NALF1: variants seen among roughly 807,000 people sequenced by gnomAD.
The protein encoded by NALF1 is family with sequence similarity 155 member A.
Under a neutral mutation model 48.4 loss-of-function variants are expected in NALF1, and 3 were observed. The observed-to-expected ratio is 0.06, with a 90% CI of 0.03 to 0.16. The LOEUF is 0.16. Ranked by LOEUF, NALF1 falls within the 10% of genes least tolerant of loss-of-function variation. The probability of loss-of-function intolerance (pLI) is 1.00; values close to 1 mark genes in which losing one functional copy is unlikely to be tolerated. For synonymous variants in NALF1, 262 were observed against 245.7 expected, an observed-to-expected ratio of 1.07 and a Z score of -0.62; for missense variants, 526 against 571.5, an observed-to-expected ratio of 0.92 and a Z score of 0.81.
At chr13:107,325,849 C>T (rs796204197) in intron 1 of NALF1, among the ~76,000 whole-genome samples, 12,558 of 48,052 alleles carry the variant, frequency 0.26, 1,068 homozygotes, top group South Asian at 0.34. Flanking sequence ...TCAACACACA[C>T]ACACACATAT....
intron 1 of NALF1, among the ~76,000 whole-genome samples, chr13:107,517,884 G>A (rs1876114683): frequency 6.6e-6 from 1 of 151,942 alleles, no homozygotes; most frequent in Non-Finnish European, 1.5e-5. Context: ...CCCGGGAGGT[G>A]GACGTTTCAG....
Position 107,659,992 on chromosome 13 carries a change from A to T in NALF1, c.915+205690T>A, listed in dbSNP as rs545611585. 1.1e-3 allele frequency among the ~76,000 whole-genome samples: 165 copies of T among 152,002 alleles called. 1 individual carries two copies. Among genetic ancestry groups the T allele is most frequent in the African/African-American group, 3.9e-3 (162 of 41,484 alleles). On this transcript the variant is annotated intron_variant, in intron 1 of 2. Coordinates refer to ENST00000375915, the MANE Select transcript of NALF1 (RefSeq NM_001080396.3). ...GTGATCCGCCTGCCTTGGCCTCCCAAAGTGCTGGGATTACAGGCATGAGCC... is the reference window on the plus strand; with the variant it reads ...GTGATCCGCCTGCCTTGGCCTCCCATAGTGCTGGGATTACAGGCATGAGCC...
At chr13:107,541,488 G>A (rs1426249546) in intron 1 of NALF1, among the ~76,000 whole-genome samples, 1 of 152,118 alleles carries the variant, frequency 6.6e-6, no homozygotes, top group Admixed American at 6.6e-5. Context: ...GAAAGAGAAG[G>A]AGAGAGGAAG....
At chr13:107,478,598 C>A in intron 1 of NALF1, among the ~76,000 whole-genome samples, 1 of 152,020 alleles carries the variant, frequency 6.6e-6, no homozygotes. Flanking sequence ...AAAACAAAAA[C>A]AAAGTGGACA....
At chr13:107,316,286 C>G (rs1259080311) in intron 1 of NALF1, among the ~76,000 whole-genome samples, 1 of 152,154 alleles carries the variant, frequency 6.6e-6, no homozygotes, top group African/African-American at 2.4e-5. Flanking sequence ...TTTTCTTAAT[C>G]CAGTCTATCA....
chr13:107,671,839 T>C (rs1880998090), intron 1 of NALF1, among the ~76,000 whole-genome samples: 1 of 152,174 alleles, frequency 6.6e-6, no homozygotes, highest in Admixed American at 6.6e-5. Context: ...AAGACTGTCC[T>C]ATGCCTGGAA....
chr13:107,436,804 T>A (rs1184171196), intron 1 of NALF1, among the ~76,000 whole-genome samples: 2 of 152,172 alleles, frequency 1.3e-5, no homozygotes, highest in Non-Finnish European at 1.5e-5. Context: ...GCAGATGACA[T>A]GATTGTTTAT....
At position 107,866,274 on chromosome 13, in the gene NALF1, G is replaced by T. The variant is rs1247820134; in HGVS notation, c.323C>A (p.Ala108Glu). 6.3e-7 allele frequency: 1 copy of T among 1,598,584 alleles called. No homozygotes were observed. Among genetic ancestry groups the T allele is most frequent in the Admixed American group, 1.7e-5 (1 of 58,460 alleles). Residue 108 changes from alanine to glutamate, a missense_variant, in exon 1 of 3, where the codon GCG (alanine) becomes GAG (glutamate). Ala to Glu is a moderately radical substitution (Grantham distance 107, BLOSUM62 -1). Coordinates refer to ENST00000375915, the MANE Select transcript of NALF1 (RefSeq NM_001080396.3). This position sits in a 1 kb window ranked among gnomAD's most constrained non-coding sequence, Gnocchi z 4.4. Reference protein sequence around the residue: ...QQEPSWPALLASMGESSPAAQ... With the variant: ...QQEPSWPALLESMGESSPAAQ... ...GGCGGGCGAGGACTCCCCCATGCTC[G>T]CCAGGAGCGCGGGCCAGGAGGGCTC...
intron 1 of NALF1, among the ~76,000 whole-genome samples, chr13:107,602,508 C>T (rs1951662660): frequency 6.6e-6 from 1 of 152,156 alleles, no homozygotes; most frequent in African/African-American, 2.4e-5. Context: ...GTCTCAAATA[C>T]TTCAGGCAGA....
intron 1 of NALF1, among the ~76,000 whole-genome samples, chr13:107,662,356 G>C (rs1880754187): frequency 6.6e-6 from 1 of 152,192 alleles, no homozygotes; most frequent in South Asian, 2.1e-4. Flanking sequence ...TGCTAAGACA[G>C]AATAGAGCAG....
chr13:107,282,680 G>GTGA lies in NALF1; in HGVS notation c.916-71928_916-71926dup, dbSNP rs142867439. Among the ~76,000 whole-genome samples the GTGA allele has an allele frequency of 0.011, 1,693 of 152,300 alleles. 87 individuals are homozygous for GTGA. The East Asian group carries it at 0.15, about 14-fold the overall frequency. On this transcript the variant is annotated intron_variant, in intron 1 of 2. Transcript: ENST00000375915. ...CCGGCCAACTTTTGGGGAGGCCCCTGTGATGAGGTCCTGCGGCCTCTTGCC... is the reference window on the plus strand; with the variant it reads ...CCGGCCAACTTTTGGGGAGGCCCCTGTGATGATGAGGTCCTGCGGCCTCTTGCC...
At chr13:107,615,093 G>A (rs1369752763) in intron 1 of NALF1, among the ~76,000 whole-genome samples, 1 of 152,102 alleles carries the variant, frequency 6.6e-6, no homozygotes, top group Non-Finnish European at 1.5e-5. Flanking sequence ...GCATCTCTTT[G>A]TTTCTGACCA....
At chr13:107,460,353 A>G (rs1884898316) in intron 1 of NALF1, among the ~76,000 whole-genome samples, 1 of 152,210 alleles carries the variant, frequency 6.6e-6, no homozygotes, top group Non-Finnish European at 1.5e-5. Flanking sequence ...TCTACTCTTT[A>G]CATAACATCC....
intron 1 of NALF1, among the ~76,000 whole-genome samples, chr13:107,818,897 T>C (rs1480637528): frequency 1.7e-5 from 2 of 114,564 alleles, no homozygotes; most frequent in South Asian, 3.0e-4. Context: ...AAAAAAAAAA[T>C]CCAGTTGAGC....
chr13:107,714,823 C>T (rs140412288), intron 1 of NALF1, among the ~76,000 whole-genome samples: 2 of 152,184 alleles, frequency 1.3e-5, no homozygotes, highest in African/African-American at 2.4e-5. Context: ...GCTCCACCTA[C>T]GTTTTCCACA....
rs1310829341 is a variant in NALF1 at position 107,481,666 on chromosome 13, G to T, written c.916-270911C>A. Among the ~76,000 whole-genome samples the T allele has an allele frequency of 2.0e-5, 3 of 152,128 alleles. No homozygotes were observed. In the East Asian group the frequency reaches 5.8e-4, roughly 29 times the overall value. ...GCCCGAGAATCTCCTGGTGAAGCAG[G>T]ATAAGTGAAAATCCAAGGGGGAGGA... On this transcript the variant is annotated intron_variant, in intron 1 of 2. Coordinates refer to ENST00000375915, the MANE Select transcript of NALF1 (RefSeq NM_001080396.3).
intron 1 of NALF1, among the ~76,000 whole-genome samples, chr13:107,729,508 G>C (rs1876249125): frequency 6.6e-6 from 1 of 151,082 alleles, no homozygotes; most frequent in Non-Finnish European, 1.5e-5. Context: ...ACAGTGTCTT[G>C]CTCTGTCACC....
chr13:107,579,366 C>A (rs1421259355), intron 1 of NALF1, among the ~76,000 whole-genome samples: 1 of 152,242 alleles, frequency 6.6e-6, no homozygotes, highest in Non-Finnish European at 1.5e-5. Flanking sequence ...GCTGGGATTA[C>A]AGGCATAAGC....
intron 1 of NALF1, among the ~76,000 whole-genome samples, chr13:107,580,553 A>T (rs1878275548): frequency 6.6e-6 from 1 of 151,738 alleles, no homozygotes; most frequent in Non-Finnish European, 1.5e-5. Flanking sequence ...AATTTTCTTC[A>T]TTGTCCTCTT....
Sources: allele counts gnomAD v4.1 joint callset (sites outside exome capture counted in the v4.1 genomes callset), GRCh38; gene constraint gnomAD v4.1.1; non-coding constraint Gnocchi (gnomAD v3.1); transcripts MANE v1.5; gene names NCBI Gene and HGNC (gene_info 2026-07-23, HGNC 2026-07-21).